The following GRM3 variants were observed in gnomAD, a reference collection of about 807,000 sequenced individuals.
The protein encoded by GRM3 is glutamate metabotropic receptor 3.
A neutral mutation model predicts 70.5 loss-of-function variants in GRM3; 26 were observed. That is an observed-to-expected ratio of 0.37 (90% CI 0.27 to 0.51). GRM3 has a LOEUF of 0.51. Among genes scored for constraint, GRM3 ranks in the 20% least tolerant of loss-of-function variants. The pLI, the probability that GRM3 is intolerant of heterozygous loss-of-function variation, is 0.93. For missense variants in GRM3, 859 were observed against 1,123.8 expected (o/e 0.76, Z 3.37); for synonymous variants, 443 against 434.9 (o/e 1.02, Z -0.23).
chr7:86,750,646 G>T (rs1401729357), intron 1 of GRM3, among the ~76,000 whole-genome samples: 1 of 151,824 alleles, frequency 6.6e-6, no homozygotes, highest in Non-Finnish European at 1.5e-5. Context: ...GTGACCACAG[G>T]TGAAGAATAC....
chr7:86,661,809 A>G (rs1793900486), intron 1 of GRM3, among the ~76,000 whole-genome samples: 1 of 151,984 alleles, frequency 6.6e-6, no homozygotes, highest in African/African-American at 2.4e-5. Context: ...AAACCAATCA[A>G]TAAGTCAAAC....
At chr7:86,778,404 T>C (rs1796952759) in intron 2 of GRM3, among the ~76,000 whole-genome samples, 1 of 152,208 alleles carries the variant, frequency 6.6e-6, no homozygotes, top group Non-Finnish European at 1.5e-5. Context: ...GGGAAACTTG[T>C]TTCTACCAGA....
intron 1 of GRM3, among the ~76,000 whole-genome samples, chr7:86,670,928 G>A (rs923406299): frequency 6.6e-6 from 1 of 152,120 alleles, no homozygotes; most frequent in African/African-American, 2.4e-5. Flanking sequence ...TCCAAGACAA[G>A]GTATACTCTC....
intron 3 of GRM3, among the ~76,000 whole-genome samples, chr7:86,809,887 A>T (rs1481730952): frequency 6.6e-6 from 1 of 152,078 alleles, no homozygotes; most frequent in Non-Finnish European, 1.5e-5. Flanking sequence ...ATCTCATTTA[A>T]TATTTACACC....
intron 3 of GRM3, among the ~76,000 whole-genome samples, chr7:86,837,071 G>C (rs1458421626): frequency 6.6e-6 from 1 of 152,130 alleles, no homozygotes. Context: ...AAATTGTAGG[G>C]TGAGATAACA....
At chr7:86,648,402 A>AT (rs1035088564) in intron 1 of GRM3, among the ~76,000 whole-genome samples, 6 of 152,186 alleles carry the variant, frequency 3.9e-5, no homozygotes, top group African/African-American at 1.4e-4. Flanking sequence ...TGCTGGTCTG[A>AT]TGCTCCTCTG....
Position 86,720,681 on chromosome 7 carries a change from C to A in GRM3, c.-140-44325C>A, listed in dbSNP as rs114951516. Among the ~76,000 whole-genome samples the A allele has an allele frequency of 5.8e-3, 888 of 152,166 alleles. 9 individuals carry two copies. The highest frequency in any genetic ancestry group is 0.02 in the African/African-American group (845 of 41,530). On this transcript the variant is annotated intron_variant, in intron 1 of 5. Coordinates refer to ENST00000361669, the MANE Select transcript of GRM3 (RefSeq NM_000840.3). The stretch of plus-strand genomic sequence containing the variant: ...CATTCTGCCAGAGAGCCCCACAGAG[C>A]AAAGCATCAAGGTAAATCAAATATG...
At position 86,780,140 on chromosome 7, in the gene GRM3, T is replaced by G. The variant is rs554707179; in HGVS notation, c.469-6121T>G. On this transcript the variant is annotated intron_variant, in intron 2 of 5. Transcript: ENST00000361669. ...GTCTATCATTGTTGGACATTTGGGT[T>G]GGTTCCAAGTCTTTGCTATTGTGAA... Among the ~76,000 whole-genome samples the G allele has an allele frequency of 2.0e-5, 3 of 152,320 alleles. 1 individual carries two copies. Among genetic ancestry groups the G allele is most frequent in the African/African-American group, 7.2e-5 (3 of 41,562 alleles).
intron 3 of GRM3, among the ~76,000 whole-genome samples, chr7:86,809,663 C>G: frequency 6.6e-6 from 1 of 152,104 alleles, no homozygotes; most frequent in East Asian, 1.9e-4. Flanking sequence ...ATTGAAGCAT[C>G]ATTCTTATGT....
rs2116540010 is a variant in GRM3 at position 86,786,248 on chromosome 7, C to T, written c.469-13C>T. On this transcript the variant is annotated splice_polypyrimidine_tract_variant and intron_variant, in intron 2 of 5. Coordinates refer to ENST00000361669, the MANE Select transcript of GRM3 (RefSeq NM_000840.3). This position sits in a 1 kb window ranked among gnomAD's most constrained non-coding sequence, Gnocchi z 6.0. ...GGGGTTTCTAACAAAGGTCCTTCTTCTCCCTCCCCTAGGTGGCAAACCTGC... is the reference window on the plus strand; with the variant it reads ...GGGGTTTCTAACAAAGGTCCTTCTTTTCCCTCCCCTAGGTGGCAAACCTGC... 6.3e-7 allele frequency: 1 copy of T among 1,599,406 alleles called. No homozygotes were observed. Among genetic ancestry groups the T allele is most frequent in the Non-Finnish European group, 8.5e-7 (1 of 1,171,818 alleles).
At chr7:86,745,450 T>A (rs978450178) in intron 1 of GRM3, among the ~76,000 whole-genome samples, 2 of 152,060 alleles carry the variant, frequency 1.3e-5, no homozygotes, top group African/African-American at 4.8e-5. Context: ...TCTGGGAAGA[T>A]GAAAACAATA....
In GRM3 at chr7:86,741,576, G is replaced by A. The variant is rs11975209; in HGVS notation, c.-140-23430G>A. Among the ~76,000 whole-genome samples, 775 of 152,266 alleles carry A rather than the reference G, an allele frequency of 5.1e-3. 5 individuals are homozygous for A. The highest frequency in any genetic ancestry group is 0.018 in the African/African-American group (734 of 41,552). On this transcript the variant is annotated intron_variant, in intron 1 of 5. Transcript: ENST00000361669. ...ACTGAAGAGCTGAGTGCCAGTTTCA[G>A]CTCACTAATTTGCTACCCAAAACAA...
At chr7:86,838,201 A>G (rs1031399320) in intron 3 of GRM3, among the ~76,000 whole-genome samples, 6 of 152,224 alleles carry the variant, frequency 3.9e-5, no homozygotes, top group African/African-American at 9.6e-5. Context: ...CATGCTGTAT[A>G]TAGACACAGG....
At chr7:86,737,763 G>A (rs778268973) in intron 1 of GRM3, among the ~76,000 whole-genome samples, 2 of 151,544 alleles carry the variant, frequency 1.3e-5, no homozygotes, top group African/African-American at 4.9e-5. Context: ...CCTCTGCAGG[G>A]GCAGAATATA....
chr7:86,738,418 C>G (rs1310183610), intron 1 of GRM3, among the ~76,000 whole-genome samples: 2 of 152,106 alleles, frequency 1.3e-5, no homozygotes, highest in African/African-American at 4.8e-5. Flanking sequence ...AGATACAAAG[C>G]TGAATTAATT....
intron 1 of GRM3, among the ~76,000 whole-genome samples, chr7:86,681,946 C>T (rs575554089): frequency 2.0e-5 from 3 of 152,266 alleles, no homozygotes; most frequent in East Asian, 1.9e-4. Context: ...TTCACAGGTA[C>T]TGACAAAGCA....
intron 1 of GRM3, among the ~76,000 whole-genome samples, chr7:86,652,866 A>G (rs759017712): frequency 6.6e-6 from 1 of 152,222 alleles, no homozygotes; most frequent in Middle Eastern, 3.2e-3. Context: ...TAAAATGAAG[A>G]ATGCTGGGAC....
intron 1 of GRM3, among the ~76,000 whole-genome samples, chr7:86,738,961 A>G (rs567538010): frequency 6.6e-6 from 1 of 152,084 alleles, no homozygotes; most frequent in Non-Finnish European, 1.5e-5. Flanking sequence ...TATCATCACT[A>G]TGTTGTACAC....
At chr7:86,702,659 A>G (rs917042302) in intron 1 of GRM3, among the ~76,000 whole-genome samples, 3 of 151,912 alleles carry the variant, frequency 2.0e-5, no homozygotes, top group African/African-American at 7.2e-5. Flanking sequence ...TACACTGCAA[A>G]TGAAAGACTG....
Sources: gnomAD v4.1 joint callset for allele counts (sites outside exome capture counted in the v4.1 genomes callset) on GRCh38, gnomAD v4.1.1 for gene constraint, Gnocchi (gnomAD v3.1) non-coding constraint, MANE v1.5 for transcripts, NCBI Gene and HGNC (gene_info 2026-07-23, HGNC 2026-07-21) for gene names.